The following AGMO variants were observed in gnomAD, a reference collection of about 807,000 sequenced individuals.
The protein encoded by AGMO is glyceryl-ether monooxygenase.
A neutral mutation model predicts 60.2 loss-of-function variants in AGMO; 75 were observed. The observed-to-expected ratio is 1.25, with a 90% CI of 1.03 to 1.51. The LOEUF is 1.51. Ranked by LOEUF, AGMO falls within the 40% of genes most tolerant of loss-of-function variation. The pLI is 0.00. For missense variants in AGMO, 763 were observed against 525.5 expected (o/e 1.45, Z -4.42); for synonymous variants, 261 against 177.1 (o/e 1.47, Z -3.76).
At chr7:15,465,352 C>T (rs919609245) in intron 3 of AGMO, among the ~76,000 whole-genome samples, 1 of 149,522 alleles carries the variant, frequency 6.7e-6, no homozygotes, top group East Asian at 2.0e-4. Context: ...TGTGTATATA[C>T]ACACGCACAC....
At chr7:15,536,918 T>C (rs924641318) in intron 3 of AGMO, among the ~76,000 whole-genome samples, 3 of 152,014 alleles carry the variant, frequency 2.0e-5, no homozygotes, top group African/African-American at 7.2e-5. Flanking sequence ...ATTTGACTTT[T>C]TTTTTGGTCT....
chr7:15,304,738 T>G (rs918143149), intron 12 of AGMO, among the ~76,000 whole-genome samples: 3 of 152,046 alleles, frequency 2.0e-5, no homozygotes, highest in African/African-American at 7.2e-5. Flanking sequence ...TCTGCATGAA[T>G]GGAGATGAAA....
At chr7:15,456,352 T>C (rs538956096) in intron 3 of AGMO, among the ~76,000 whole-genome samples, 3 of 152,236 alleles carry the variant, frequency 2.0e-5, no homozygotes, top group South Asian at 4.1e-4. Context: ...TATTGTCACT[T>C]GGTTTTTATA....
chr7:15,191,942 C>T, the AGMO span, among the ~76,000 whole-genome samples: 15 of 137,002 alleles, frequency 1.1e-4, no homozygotes, highest in African/African-American at 4.3e-4. Context: ...CGAATAAAAT[C>T]TCTCACTCTC....
chr7:15,558,872 G>A (rs1487116336), intron 2 of AGMO, among the ~76,000 whole-genome samples: 1 of 151,856 alleles, frequency 6.6e-6, no homozygotes, highest in Non-Finnish European at 1.5e-5. Context: ...CCACTGGGCG[G>A]TTAATAGAAA....
At chr7:15,391,812 AC>A (rs1784150426) in intron 6 of AGMO, among the ~76,000 whole-genome samples, 1 of 152,054 alleles carries the variant, frequency 6.6e-6, no homozygotes, top group Admixed American at 6.5e-5. Flanking sequence ...ATTTCTGGAG[AC>A]ATGAGTAGCC....
At chr7:15,394,964 A>G (rs954548132) in intron 5 of AGMO, among the ~76,000 whole-genome samples, 2 of 152,218 alleles carry the variant, frequency 1.3e-5, no homozygotes, top group African/African-American at 4.8e-5. Flanking sequence ...GAGTCTATAA[A>G]TTCTAAAAAT....
intron 3 of AGMO, among the ~76,000 whole-genome samples, chr7:15,446,475 A>G (rs1781701561): frequency 6.6e-6 from 1 of 152,172 alleles, no homozygotes; most frequent in Admixed American, 6.5e-5. Flanking sequence ...TTGACGCTGC[A>G]CACCATGTGA....
intron 12 of AGMO, among the ~76,000 whole-genome samples, chr7:15,309,505 C>T (rs1265827969): frequency 2.0e-5 from 3 of 152,022 alleles, no homozygotes; most frequent in Admixed American, 6.6e-5. Context: ...TTCCCCTAAG[C>T]GTCAACATAA....
chr7:15,545,839 G>T (rs1784766178), intron 2 of AGMO, among the ~76,000 whole-genome samples: 1 of 151,652 alleles, frequency 6.6e-6, no homozygotes, highest in Non-Finnish European at 1.5e-5. Context: ...TTATCAATTT[G>T]ATTGAGTTGA....
At chr7:15,358,448 A>T (rs1406884916) in intron 12 of AGMO, 1 of 471,050 alleles carries the variant, frequency 2.1e-6, no homozygotes, top group Admixed American at 2.4e-5. Context: ...GGTGTTTCCT[A>T]AAGGGTGAGA....
chr7:15,551,860 A>G (rs1284884085), intron 2 of AGMO, among the ~76,000 whole-genome samples: 1 of 152,182 alleles, frequency 6.6e-6, no homozygotes, highest in Non-Finnish European at 1.5e-5. Flanking sequence ...CCGCATCACC[A>G]AGGCAATCCT....
chr7:15,382,133 G>C (rs1056933046), intron 10 of AGMO, among the ~76,000 whole-genome samples: 30 of 152,030 alleles, frequency 2.0e-4, no homozygotes, highest in Non-Finnish European at 8.8e-5. Flanking sequence ...GTTTACCTAT[G>C]TAACAAAACT....
At chr7:15,216,031 T>G (rs961316717) in intron 12 of AGMO, among the ~76,000 whole-genome samples, 1 of 152,062 alleles carries the variant, frequency 6.6e-6, no homozygotes, top group African/African-American at 2.4e-5. Context: ...AAATGAACAG[T>G]ACACTGAGGT....
chr7:15,150,252 G>A, the AGMO span, among the ~76,000 whole-genome samples: 2 of 152,064 alleles, frequency 1.3e-5, no homozygotes, highest in African/African-American at 4.8e-5. Context: ...TCTGTGAAGA[G>A]AGATAGTTTT....
chr7:15,333,726 G>C (rs1781568344), intron 12 of AGMO, among the ~76,000 whole-genome samples: 1 of 151,874 alleles, frequency 6.6e-6, no homozygotes, highest in Non-Finnish European at 1.5e-5. Flanking sequence ...GAAAAGTATT[G>C]ATTATGCAAA....
the AGMO span, among the ~76,000 whole-genome samples, chr7:15,168,306 A>T: frequency 6.6e-6 from 1 of 152,244 alleles, no homozygotes. Flanking sequence ...AACAGAAGTA[A>T]AGAATCAGAA....
chr7:15,410,506 A>C (rs1470931474), intron 5 of AGMO, among the ~76,000 whole-genome samples: 3 of 151,858 alleles, frequency 2.0e-5, no homozygotes, highest in Non-Finnish European at 2.9e-5. Context: ...TTAAGTCTTA[A>C]ATTTGATTGC....
At chr7:15,403,047 C>T (rs1002975217) in intron 5 of AGMO, among the ~76,000 whole-genome samples, 1 of 151,900 alleles carries the variant, frequency 6.6e-6, no homozygotes, top group African/African-American at 2.4e-5. Context: ...ACCTTTTCCA[C>T]ATAATTTTGT....
Sources: gnomAD v4.1 joint callset for allele counts (sites outside exome capture counted in the v4.1 genomes callset) on GRCh38, gnomAD v4.1.1 for gene constraint, MANE v1.5 for transcripts, NCBI Gene and HGNC (gene_info 2026-07-23, HGNC 2026-07-21) for gene names.